PHYKPL: variants seen among roughly 807,000 people sequenced by gnomAD.
PHYKPL encodes 5-phosphonooxy-L-lysine phospho-lyase.
In PHYKPL, 42 loss-of-function variants were observed where a neutral mutation model predicts 51.3. The ratio of observed to expected loss-of-function variants is 0.82; its 90% CI spans 0.64 to 1.06. The LOEUF is 1.06. Ranked by LOEUF, PHYKPL falls within the 50% of genes least tolerant of loss-of-function variation. The probability of loss-of-function intolerance (pLI) is 0.00; values close to 1 mark genes in which losing one functional copy is unlikely to be tolerated. For missense variants in PHYKPL, 655 were observed against 586.6 expected (o/e 1.12, Z -1.20); for synonymous variants, 264 against 236.0 (o/e 1.12, Z -1.09).
At chr5:178,211,676 C>T (rs530539505) in intron 12 of PHYKPL, 2 of 548,694 alleles carry the variant, frequency 3.6e-6, no homozygotes, top group East Asian at 6.2e-5. Flanking sequence ...GATACAGCCC[C>T]ATAGGTTTCA....
intron 2 of PHYKPL, chr5:178,230,922 C>CTT (rs55982808): frequency 2.3e-4 from 33 of 145,174 alleles, no homozygotes; most frequent in African/African-American, 4.3e-4. Flanking sequence ...AGAGTCTCTG[C>CTT]TTTTTTTTTT....
In PHYKPL at chr5:178,213,069, CATCA is replaced by C. The variant is rs1487598901; in HGVS notation, c.1203_1206del (p.Asp402AlafsTer7). ...AACTTCAGGATGTTCCTCCCAGGGC[CATCA>C]GTGCTCAGCAAAACGTAGTTCTCCT... On this transcript the variant is annotated frameshift_variant, in exon 11 of 13. Coordinates refer to ENST00000308158, the MANE Select transcript of PHYKPL (RefSeq NM_153373.4). LOFTEE classifies it high-confidence loss of function. 1 of 1,614,114 alleles carries C rather than the reference CATCA, an allele frequency of 6.2e-7. No homozygotes were observed. The highest frequency in any genetic ancestry group is 8.5e-7 in the Non-Finnish European group (1 of 1,180,036).
At chr5:178,221,658 T>G (rs1761194984) in intron 8 of PHYKPL, among the ~76,000 whole-genome samples, 1 of 152,158 alleles carries the variant, frequency 6.6e-6, no homozygotes, top group Non-Finnish European at 1.5e-5. Flanking sequence ...TTACAGTGAA[T>G]TCTCAACCCT....
At chr5:178,215,871 TGGCTCCTTTCCCTCGC>T in intron 8 of PHYKPL, 1 of 158,578 alleles carries the variant, frequency 6.3e-6, no homozygotes, top group Admixed American at 6.4e-5. Flanking sequence ...TGGAGGGCTC[TGGCTCCTTTCCCTCGC>T]CCACCCTGTC....
At chr5:178,224,275 C>A (rs11739360) in intron 6 of PHYKPL, 173 bp downstream of exon 6, 1 of 715,932 alleles carries the variant, frequency 1.4e-6, no homozygotes, top group Non-Finnish European at 2.2e-6. Flanking sequence ...CACGCCCATG[C>A]TAGGCCGTGC....
chr5:178,225,059 A>C, intron 4 of PHYKPL: 2 of 565,054 alleles, frequency 3.5e-6, no homozygotes, highest in Non-Finnish European at 6.3e-6. Flanking sequence ...CACATCACAT[A>C]CTCAATTCAT....
At chr5:178,213,762 C>T (rs1759155909) in intron 10 of PHYKPL, among the ~76,000 whole-genome samples, 1 of 152,070 alleles carries the variant, frequency 6.6e-6, no homozygotes, top group Non-Finnish European at 1.5e-5. Context: ...GGGAGTGTGC[C>T]TTCTGGTTTC....
At position 178,208,565 on chromosome 5, in the gene PHYKPL, A is replaced by AT. The variant is rs1757233537; in HGVS notation, c.*381dup. 6.6e-6 allele frequency: 1 copy of AT among 152,262 alleles called. No individual in the cohort carries two copies. Among genetic ancestry groups the AT allele is most frequent in the Non-Finnish European group, 1.5e-5 (1 of 68,052 alleles). 9.4% of individuals were successfully genotyped at this position (152,262 alleles called of 1,614,324 possible). ...CAGATTGCATTATTTTAATTTGCCA[A>AT]TTAAAAGTATGACTGGGACACTGTA... is the stretch of plus-strand genomic sequence containing the variant. On this transcript the variant is annotated 3_prime_UTR_variant, in exon 13 of 13. Transcript: ENST00000308158.
At chr5:178,222,622 A>G (rs755675967) in intron 7 of PHYKPL, 42 bp from the exon 8 acceptor site, 1 of 1,601,060 alleles carries the variant, frequency 6.2e-7, no homozygotes, top group African/African-American at 1.3e-5. Context: ...TGTGGTTGAG[A>G]GGGATAAGAT....
chr5:178,232,718 T>A lies in PHYKPL; in HGVS notation c.-168A>T. 1.3e-6 allele frequency: 1 copy of A among 752,220 alleles called. No individual in the cohort carries two copies. Among genetic ancestry groups the A allele is most frequent in the South Asian group, 6.7e-5 (1 of 14,932 alleles). The allele number at this position is 752,220 out of a possible 1,614,324, so 46.6% of individuals were successfully genotyped here. On this transcript the variant is annotated 5_prime_UTR_variant, in exon 1 of 13. Coordinates refer to ENST00000308158, the MANE Select transcript of PHYKPL (RefSeq NM_153373.4). ...GCCCGCGTTGCGGTGGTTCATTTCT[T>A]CGCTTGCCCACTGGGCCTGGCAGCC...
chr5:178,215,513 A>T, intron 8 of PHYKPL, 83 bp from the exon 9 acceptor site: 2 of 1,480,322 alleles, frequency 1.4e-6, no homozygotes, highest in Non-Finnish European at 1.8e-6. Context: ...AAGAACTGCC[A>T]CACGTGTTCC....
intron 11 of PHYKPL, 124 bp downstream of exon 11, chr5:178,212,849 G>A: frequency 1.5e-6 from 2 of 1,371,108 alleles, no homozygotes; most frequent in South Asian, 2.8e-5. Flanking sequence ...TCCCTGCCCT[G>A]TCCAGAGGAC....
chr5:178,210,082 C>T, intron 12 of PHYKPL: 3 of 1,603,148 alleles, frequency 1.9e-6, no homozygotes, highest in Non-Finnish European at 1.7e-6. Context: ...ATCCTAGCTC[C>T]TGCGTATGCT....
chr5:178,219,973 C>T (rs544945470), intron 8 of PHYKPL, among the ~76,000 whole-genome samples: 182 of 148,594 alleles, frequency 1.2e-3, no homozygotes, highest in African/African-American at 4.4e-3. Flanking sequence ...GTGGGCCGAT[C>T]GCTTGAGCTC....
chr5:178,229,806 C>T, intron 3 of PHYKPL, 134 bp downstream of exon 3: 1 of 1,144,794 alleles, frequency 8.7e-7, no homozygotes, highest in East Asian at 2.5e-5. Context: ...AGCCGGGAAT[C>T]TCAGGAGCCT....
Position 178,224,718 on chromosome 5 carries a change from C to T in PHYKPL, c.425G>A (p.Gly142Asp), listed in dbSNP as rs1410327666. ...DVVVLDHAYH[G>D]HLSSLIDISP... is the part of the protein sequence containing the mutation. ...GATGTCAATCAGGGAGCTCAGGTGG[C>T]CGTGATACGCACTGGGGAGGAGAAG... Residue 142 changes from glycine to aspartate, a missense_variant, in exon 5 of 13, where the codon GGC (glycine) becomes GAC (aspartate). Coordinates refer to ENST00000308158, the MANE Select transcript of PHYKPL (RefSeq NM_153373.4). 3 of 1,613,640 alleles carry T rather than the reference C, an allele frequency of 1.9e-6. No individual in the cohort carries two copies. The highest frequency in any genetic ancestry group is 1.3e-5 in the African/African-American group (1 of 74,912).
chr5:178,222,985 G>T, intron 6 of PHYKPL, 51 bp from the exon 7 acceptor site: 2 of 1,575,386 alleles, frequency 1.3e-6, no homozygotes, highest in South Asian at 2.2e-5. Context: ...TGCAGTGACC[G>T]GCTTAGCGTG....
chr5:178,209,019 C>G (rs1757335596), intron 12 of PHYKPL, 104 bp from the exon 13 acceptor site: 1 of 320,596 alleles, frequency 3.1e-6, no homozygotes, highest in African/African-American at 2.1e-5. Context: ...GGTGCCTGGT[C>G]CCAGCCTGTC....
At chr5:178,208,380 G>A (rs1485691138), downstream of PHYKPL, 1 of 152,214 alleles carries the variant, frequency 6.6e-6, no homozygotes, top group Non-Finnish European at 1.5e-5. Flanking sequence ...TACTCCAGTG[G>A]ACAGTGATAG....
Sources: gnomAD v4.1 joint callset for allele counts (sites outside exome capture counted in the v4.1 genomes callset) on GRCh38, gnomAD v4.1.1 for gene constraint, MANE v1.5 for transcripts, NCBI Gene and HGNC (gene_info 2026-07-23, HGNC 2026-07-21) for gene names.